Variants in GALNTL6 observed in about 807,000 individuals in gnomAD.
The protein encoded by GALNTL6 is polypeptide N-acetylgalactosaminyltransferase like 6, also known as polypeptide N-acetylgalactosaminyltransferase-like 6.
In GALNTL6, 46 loss-of-function variants were observed where a neutral mutation model predicts 73.7. The ratio of observed to expected loss-of-function variants is 0.62; its 90% CI spans 0.49 to 0.80. The LOEUF (loss-of-function observed/expected upper bound fraction) is 0.80. Ranked by LOEUF, GALNTL6 falls within the 30% of genes least tolerant of loss-of-function variation. The pLI is 0.00. For missense variants in GALNTL6, 604 were observed against 755.0 expected (o/e 0.80, Z 2.34); for synonymous variants, 259 against 263.7 (o/e 0.98, Z 0.17).
chr4:172,036,651 C>T (rs1453343894), intron 2 of GALNTL6, among the ~76,000 whole-genome samples: 1 of 152,036 alleles, frequency 6.6e-6, no homozygotes, highest in Admixed American at 6.6e-5. Context: ...AATAACTTGT[C>T]CCATATTTCC....
chr4:172,357,441 G>A (rs928798051), intron 5 of GALNTL6, among the ~76,000 whole-genome samples: 1 of 152,024 alleles, frequency 6.6e-6, no homozygotes, highest in African/African-American at 2.4e-5. Flanking sequence ...AGAAGATAAG[G>A]GTCATTCTAG....
chr4:172,282,652 G>T (rs898686586), intron 3 of GALNTL6, among the ~76,000 whole-genome samples: 2 of 136,452 alleles, frequency 1.5e-5, no homozygotes, highest in Non-Finnish European at 3.1e-5. Context: ...TGTGGAGAAT[G>T]AGTTGAAATG....
chr4:172,002,580 A>G (rs1263472939), intron 2 of GALNTL6, among the ~76,000 whole-genome samples: 2 of 152,174 alleles, frequency 1.3e-5, no homozygotes, highest in Non-Finnish European at 2.9e-5. Context: ...AGTTCTACTA[A>G]GTATTAACAT....
chr4:172,967,667 A>T (rs779535034), intron 10 of GALNTL6, among the ~76,000 whole-genome samples: 2 of 152,146 alleles, frequency 1.3e-5, no homozygotes, highest in African/African-American at 2.4e-5. Flanking sequence ...GACCACATTG[A>T]CATAACTTCA....
intron 11 of GALNTL6, among the ~76,000 whole-genome samples, chr4:173,019,421 A>C (rs993469620): frequency 1.3e-5 from 2 of 152,150 alleles, no homozygotes; most frequent in African/African-American, 4.8e-5. Context: ...CAGTGGAGAG[A>C]TGCATGAAAG....
intron 2 of GALNTL6, among the ~76,000 whole-genome samples, chr4:171,918,914 G>C (rs988531306): frequency 6.6e-6 from 1 of 152,080 alleles, no homozygotes; most frequent in Non-Finnish European, 1.5e-5. Flanking sequence ...CATGATTCTA[G>C]TTATAGTGTG....
intron 3 of GALNTL6, among the ~76,000 whole-genome samples, chr4:172,277,834 T>G (rs1398444248): frequency 6.6e-6 from 1 of 152,222 alleles, no homozygotes; most frequent in East Asian, 1.9e-4. Flanking sequence ...CCTTCATTAA[T>G]TTTTAACATA....
At chr4:172,328,480 T>C (rs1168675638) in intron 4 of GALNTL6, among the ~76,000 whole-genome samples, 1 of 152,208 alleles carries the variant, frequency 6.6e-6, no homozygotes, top group Non-Finnish European at 1.5e-5. Flanking sequence ...TCCTGAAATA[T>C]GTTTTCCAAG....
At chr4:172,226,736 C>T (rs1736881358) in intron 2 of GALNTL6, among the ~76,000 whole-genome samples, 1 of 151,700 alleles carries the variant, frequency 6.6e-6, no homozygotes, top group Admixed American at 6.6e-5. Flanking sequence ...TATCTTTTTC[C>T]TTCTGTCTCT....
intron 2 of GALNTL6, among the ~76,000 whole-genome samples, chr4:171,862,931 G>A (rs1735873752): frequency 6.6e-6 from 1 of 152,104 alleles, no homozygotes. Flanking sequence ...CAAAGTGATT[G>A]ATATTTTCAA....
At chr4:172,447,435 A>G (rs190520133) in intron 5 of GALNTL6, among the ~76,000 whole-genome samples, 10 of 152,296 alleles carry the variant, frequency 6.6e-5, no homozygotes, top group Admixed American at 2.0e-4. Context: ...TGCATTTGGC[A>G]TCGGTTGTAG....
intron 5 of GALNTL6, among the ~76,000 whole-genome samples, chr4:172,582,673 T>A (rs1737237796): frequency 6.6e-6 from 1 of 151,942 alleles, no homozygotes; most frequent in African/African-American, 2.4e-5. Context: ...ATGGTGAAGA[T>A]AAAAAGGCAT....
Position 172,737,732 on chromosome 4 carries a change from CTCTG to C in GALNTL6, c.554-71625_554-71622del, listed in dbSNP as rs146581737. Among the ~76,000 whole-genome samples the C allele has an allele frequency of 1.9e-3, 287 of 152,256 alleles. 1 individual carries two copies. The highest frequency in any genetic ancestry group is 6.1e-3 in the African/African-American group (255 of 41,548). On this transcript the variant is annotated intron_variant, in intron 5 of 12. Coordinates refer to ENST00000506823, the MANE Select transcript of GALNTL6 (RefSeq NM_001034845.3). ...AGAATTAGTTATTTATTCCAGTTGT[CTCTG>C]TCTAACTTGTTCCAGTTTTTATTGA...
At chr4:172,799,424 A>G (rs1055293841) in intron 5 of GALNTL6, among the ~76,000 whole-genome samples, 1 of 152,210 alleles carries the variant, frequency 6.6e-6, no homozygotes, top group Non-Finnish European at 1.5e-5. Flanking sequence ...TTTGATAGCT[A>G]CTATGTTCTA....
intron 5 of GALNTL6, among the ~76,000 whole-genome samples, chr4:172,624,824 A>G (rs1032877240): frequency 1.4e-5 from 2 of 138,784 alleles, no homozygotes; most frequent in Admixed American, 1.4e-4. Flanking sequence ...TTCAACTTTT[A>G]TTTTATATTC....
At chr4:172,116,806 T>C (rs1180289097) in intron 2 of GALNTL6, among the ~76,000 whole-genome samples, 1 of 152,204 alleles carries the variant, frequency 6.6e-6, no homozygotes, top group Non-Finnish European at 1.5e-5. Flanking sequence ...GAAAATTTAA[T>C]GTGATTTTCT....
At chr4:171,981,711 A>C (rs914414361) in intron 2 of GALNTL6, among the ~76,000 whole-genome samples, 1 of 152,176 alleles carries the variant, frequency 6.6e-6, no homozygotes, top group African/African-American at 2.4e-5. Flanking sequence ...AGAAGGCCTT[A>C]TAAAATCCAA....
intron 2 of GALNTL6, among the ~76,000 whole-genome samples, chr4:172,043,954 A>G (rs1327613661): frequency 6.6e-6 from 1 of 152,026 alleles, no homozygotes; most frequent in Non-Finnish European, 1.5e-5. Context: ...AGCTTTAAAG[A>G]GATTTGTTAG....
chr4:172,825,765 A>C (rs1742232930), intron 7 of GALNTL6, among the ~76,000 whole-genome samples: 1 of 152,176 alleles, frequency 6.6e-6, no homozygotes, highest in Admixed American at 6.5e-5. Context: ...CTGTAGGGGA[A>C]AGCTGTGCGT....
Sources: allele counts gnomAD v4.1 joint callset (sites outside exome capture counted in the v4.1 genomes callset), GRCh38; gene constraint gnomAD v4.1.1; transcripts MANE v1.5; gene names NCBI Gene and HGNC (gene_info 2026-07-23, HGNC 2026-07-21).